The following DST variants were observed in gnomAD, a reference collection of about 807,000 sequenced individuals.
The protein encoded by DST is dystonin, also known as bullous pemphigoid antigen.
A neutral mutation model predicts 875.2 loss-of-function variants in DST; 253 were observed. The observed-to-expected ratio is 0.29, with a 90% CI of 0.26 to 0.32. The LOEUF (loss-of-function observed/expected upper bound fraction) is 0.32, where lower values mean the gene tolerates loss of function less well. DST is among the 10% of genes least tolerant of loss of function. The pLI is 1.00. For missense variants in DST, 8,287 were observed against 9,111.6 expected (o/e 0.91, Z 3.68); for synonymous variants, 3,124 against 3,197.1 (o/e 0.98, Z 0.77).
chr6:56,625,597 G>A (rs555482443), intron 34 of DST, among the ~76,000 whole-genome samples: 1 of 152,108 alleles, frequency 6.6e-6, no homozygotes, highest in African/African-American at 2.4e-5. Flanking sequence ...CAAACTTACT[G>A]TGCTGCCCGT....
intron 2 of DST, among the ~76,000 whole-genome samples, chr6:56,906,409 G>A (rs71564866): frequency 0.14 from 20,572 of 152,176 alleles, 1,806 homozygotes; most frequent in Middle Eastern, 0.23. Context: ...GATGCCTGCA[G>A]GAAAGAACTA....
At chr6:56,500,620 T>G (rs2096087830) in intron 80 of DST, among the ~76,000 whole-genome samples, 1 of 151,888 alleles carries the variant, frequency 6.6e-6, no homozygotes, top group African/African-American at 2.4e-5. Context: ...ATGTCAGAAA[T>G]GACAAACAAG....
rs565913882 is a variant in DST at position 56,601,694 on chromosome 6, C to T, written c.11308-18G>A. 21 of 1,434,884 alleles carry T rather than the reference C, an allele frequency of 1.5e-5. No homozygotes were observed. The East Asian group carries it at 4.9e-4, about 33-fold the overall frequency. 88.9% of individuals were successfully genotyped at this position (1,434,884 alleles called of 1,614,324 possible). A position where few individuals can be genotyped will look rare whatever the true frequency, so the allele number is the denominator to read the frequency against. ...AATACATTCTGTTAAAAAAGTAGTA[C>T]AAGCTATCAGTAGAAAGTTAAGCCA... On this transcript the variant is annotated intron_variant, in intron 43 of 103. Transcript: ENST00000680361.
At chr6:56,818,443 G>A (rs1240407969) in intron 4 of DST, among the ~76,000 whole-genome samples, 1 of 152,018 alleles carries the variant, frequency 6.6e-6, no homozygotes, top group Non-Finnish European at 1.5e-5. Flanking sequence ...GATCTGTGAT[G>A]GCATGAGAAG....
At chr6:56,890,780 C>T (rs1474633939) in intron 3 of DST, among the ~76,000 whole-genome samples, 1 of 152,216 alleles carries the variant, frequency 6.6e-6, no homozygotes, top group Non-Finnish European at 1.5e-5. Flanking sequence ...CTTTCTGACT[C>T]ATCTCCTTTG....
In DST at chr6:56,648,584, G is replaced by A. The variant is rs779888958; in HGVS notation, c.1540C>T (p.Pro514Ser). 6.3e-7 allele frequency: 1 copy of A among 1,581,094 alleles called. No homozygotes were observed. The highest frequency in any genetic ancestry group is 1.8e-5 in the Admixed American group (1 of 55,540). Reference protein sequence around the residue: ...TMSERTFPNNPVELKALYNQY... With the variant: ...TMSERTFPNNSVELKALYNQY... ...GTGACACTAACCTTCAGTTCTACAG[G>A]ATTATTAGGAAATGTTCTCTCAGAC... Residue 514 changes from proline (P) to serine (S), a missense_variant, in exon 13 of 104, where the codon CCT (proline) becomes TCT (serine). By Grantham distance (74) the Pro-to-Ser change is moderately conservative. Around this residue, in one of 10 missense-constraint regions of DST, gnomAD observed 1,160 missense variants for 1,424.3 expected, o/e 0.81. Coordinates refer to ENST00000680361, the MANE Select transcript of DST (RefSeq NM_001374736.1).
At chr6:56,474,080 G>T in intron 92 of DST, 78 bp from the exon 93 acceptor site, 2 of 1,195,208 alleles carry the variant, frequency 1.7e-6, no homozygotes, top group Non-Finnish European at 2.3e-6. Context: ...AAAAGCAGAA[G>T]GATAAAAGAA....
intron 2 of DST, among the ~76,000 whole-genome samples, chr6:56,942,234 T>A (rs980598712): frequency 6.6e-6 from 1 of 152,210 alleles, no homozygotes; most frequent in African/African-American, 2.4e-5. Context: ...TTCTTGTAAA[T>A]AGCATATAGT....
intron 4 of DST, among the ~76,000 whole-genome samples, chr6:56,824,853 C>A (rs2099778006): frequency 6.6e-6 from 1 of 151,864 alleles, no homozygotes; most frequent in African/African-American, 2.4e-5. Context: ...CGCCCCGCAG[C>A]CACCCCGTCC....
At chr6:56,818,592 AAAT>A (rs2099769442) in intron 4 of DST, among the ~76,000 whole-genome samples, 1 of 152,140 alleles carries the variant, frequency 6.6e-6, no homozygotes, top group Non-Finnish European at 1.5e-5. Flanking sequence ...TAAACATAAT[AAAT>A]AATAATTGAT....
intron 18 of DST, 26 bp downstream of exon 18, chr6:56,640,116 AC>A: frequency 6.2e-7 from 1 of 1,613,366 alleles, no homozygotes; most frequent in Non-Finnish European, 8.5e-7. Flanking sequence ...AGACTGAAAC[AC>A]TCAGGTAAAG....
Position 56,562,127 on chromosome 6 carries a change from T to C in DST, c.14068+11A>G. The C allele has an allele frequency of 6.6e-7, 1 of 1,507,926 alleles. No individual in the cohort carries two copies. The highest frequency in any genetic ancestry group is 9.0e-7 in the Non-Finnish European group (1 of 1,114,110). The allele number at this position is 1,507,926 out of a possible 1,614,324, so 93.4% of individuals were successfully genotyped here. On this transcript the variant is annotated intron_variant, in intron 56 of 103. Coordinates refer to ENST00000680361, the MANE Select transcript of DST (RefSeq NM_001374736.1). Reference sequence around the variant, plus strand: ...TACATTAATCAGTAACAAATTAAAATTAATACTCACCTTTATTTGCCCAAA... The same window carrying C: ...TACATTAATCAGTAACAAATTAAAACTAATACTCACCTTTATTTGCCCAAA...
At position 56,619,699 on chromosome 6, in the gene DST, C is replaced by G. The variant is rs1340489213; in HGVS notation, c.4929+4831G>C. ...CTTCAGCTTTACCTGTGGTTTGATT[C>G]AATTGCCTACCAAGCTCTCTGAGTT... On this transcript the variant is annotated intron_variant, in intron 36 of 103. Transcript: ENST00000680361. 4.3e-6 allele frequency: 7 copies of G among 1,613,942 alleles called. No individual in the cohort carries two copies. Among genetic ancestry groups the G allele is most frequent in the East Asian group, 2.2e-5 (1 of 44,880 alleles).
intron 13 of DST, among the ~76,000 whole-genome samples, chr6:56,647,134 C>T (rs1304537135): frequency 1.3e-5 from 2 of 152,156 alleles, no homozygotes; most frequent in African/African-American, 4.8e-5. Flanking sequence ...AATGGAAATC[C>T]ATTTGGAAAT....
chr6:56,604,488 T>C lies in DST; in HGVS notation c.10140A>G (p.Ala3380=). 6.2e-7 allele frequency: 1 copy of C among 1,612,386 alleles called. No homozygotes were observed. The highest frequency in any genetic ancestry group is 1.1e-5 in the South Asian group (1 of 91,016). The part of the protein sequence containing the change: ...PQEVEEPSAC[A]DTKILIQNLI... ...AATTTTGAATTAAAATTTTAGTGTC[T>C]GCACAGGCTGAAGGTTCTTCAACCT... Residue 3380 remains alanine, a synonymous_variant, in exon 40 of 104, where the codon GCA becomes GCG. Coordinates refer to ENST00000680361, the MANE Select transcript of DST (RefSeq NM_001374736.1).
At chr6:56,763,533 A>C (rs905302302) in intron 4 of DST, among the ~76,000 whole-genome samples, 7 of 151,996 alleles carry the variant, frequency 4.6e-5, no homozygotes, top group Non-Finnish European at 8.8e-5. Context: ...TTAGCCAGGC[A>C]TGGTGGCACG....
chr6:56,659,411 G>A (rs530093811), intron 10 of DST, among the ~76,000 whole-genome samples: 1 of 152,170 alleles, frequency 6.6e-6, no homozygotes, highest in South Asian at 2.1e-4. Context: ...CAGACAAGAA[G>A]TGGGAGAAAA....
Position 56,640,033 on chromosome 6 carries a change from C to T in DST, c.2515G>A (p.Gly839Ser). The T allele has an allele frequency of 6.2e-7, 1 of 1,613,952 alleles. No homozygotes were observed. The highest frequency in any genetic ancestry group is 8.5e-7 in the Non-Finnish European group (1 of 1,179,952). ...MQVQLDRTEW[G>S]SDLPSVESHL... ...CTTTCAACACTTGGCAAATCTGAGC[C>T]CCACTCAGTGCGGTCCAGTTGTACC... Residue 839 changes from glycine to serine, a missense_variant, in exon 19 of 104, where the codon GGC (glycine) becomes AGC (serine). Physicochemically the swap from Gly to Ser is moderately conservative, Grantham distance 56. Transcript: ENST00000680361.
intron 4 of DST, among the ~76,000 whole-genome samples, chr6:56,839,499 TA>T (rs1325684281): frequency 6.6e-6 from 1 of 152,220 alleles, no homozygotes; most frequent in Non-Finnish European, 1.5e-5. Flanking sequence ...ATTATATAAC[TA>T]TTAACCTATG....
Sources: gnomAD v4.1 joint callset for allele counts (sites outside exome capture counted in the v4.1 genomes callset) on GRCh38, gnomAD v4.1.1 for gene constraint, gnomAD v4.1.1 regional missense constraint, MANE v1.5 for transcripts, NCBI Gene and HGNC (gene_info 2026-07-23, HGNC 2026-07-21) for gene names.